Variants in FKBP10 observed in about 807,000 individuals in gnomAD.
FKBP10 encodes peptidyl-prolyl cis-trans isomerase FKBP10.
Under a neutral mutation model 53.7 loss-of-function variants are expected in FKBP10, and 34 were observed. That is an observed-to-expected ratio of 0.63 (90% CI 0.48 to 0.84). FKBP10 has a LOEUF of 0.84. Ranked by LOEUF, FKBP10 falls within the 40% of genes least tolerant of loss-of-function variation. The pLI is 0.00. For missense variants in FKBP10, 748 were observed against 797.8 expected, an observed-to-expected ratio of 0.94 and a Z score of 0.75; for synonymous variants, 324 against 335.7, an observed-to-expected ratio of 0.97 and a Z score of 0.38.
At chr17:41,820,735 C>A (rs894937451) in intron 7 of FKBP10, 12 of 712,376 alleles carry the variant, frequency 1.7e-5, no homozygotes, top group African/African-American at 1.6e-4. Flanking sequence ...GAGCCATGAG[C>A]CCTCGAGGCC....
rs1333003780 is a variant in FKBP10, at chr17:41,817,100, G to A, written c.288G>A (p.Gly96=). The A allele has an allele frequency of 1.2e-6, 2 of 1,614,014 alleles. No homozygotes were observed. Among genetic ancestry groups the A allele is most frequent in the African/African-American group, 2.7e-5 (2 of 74,934 alleles). Residue 96 remains glycine, a synonymous_variant, in exon 2 of 10, where the codon GGG becomes GGA. Coordinates refer to ENST00000321562, the MANE Select transcript of FKBP10 (RefSeq NM_021939.4). ...TGGTGGCCATCGTGGTGGGTGTGGG[G>A]CGCCTCATCACTGGCATGGACCGAG... is the stretch of plus-strand genomic sequence containing the variant. ...NTLVAIVVGV[G]RLITGMDRGL...
At chr17:41,821,176 G>A (rs1395304162) in intron 8 of FKBP10, 87 bp downstream of exon 8, 1 of 1,437,586 alleles carries the variant, frequency 7.0e-7, no homozygotes, top group Non-Finnish European at 9.2e-7. Flanking sequence ...AGGCTGGAGT[G>A]CAGTGGTGTG....
intron 1 of FKBP10, among the ~76,000 whole-genome samples, chr17:41,814,773 C>T (rs781900221): frequency 1.3e-5 from 2 of 152,194 alleles, no homozygotes; most frequent in African/African-American, 2.4e-5. Flanking sequence ...GAGGCTCACT[C>T]TGTCGCCCAG....
In FKBP10 at chr17:41,821,084, G is replaced by C; in HGVS notation, c.1394G>C (p.Ser465Thr). 7.6e-7 allele frequency: 1 copy of C among 1,309,676 alleles called. No individual in the cohort carries two copies. The highest frequency in any genetic ancestry group is 1.1e-6 in the Non-Finnish European group (1 of 928,080). 81.1% of individuals were successfully genotyped at this position (1,309,676 alleles called of 1,614,324 possible). Residue 465 changes from serine to threonine, a missense_variant, in exon 8 of 10, where the codon AGT (serine) becomes ACT (threonine). By Grantham distance (58) the Ser-to-Thr change is moderately conservative (BLOSUM62 1). Coordinates refer to ENST00000321562, the MANE Select transcript of FKBP10 (RefSeq NM_021939.4). ...CCCCCGCACCTGGCCCACGGGGAGA[G>C]TGGAGGTGAGGGGCTGAGACCATAA... ...IVPPHLAHGE[S>T]GARGVPGSAV...
intron 1 of FKBP10, among the ~76,000 whole-genome samples, chr17:41,814,596 T>C (rs1344867094): frequency 3.3e-5 from 5 of 152,164 alleles, no homozygotes; most frequent in African/African-American, 1.2e-4. Context: ...ACCTGTCTGC[T>C]TGGTGGGCAA....
chr17:41,819,650 CCTCGCCTATGGGGAGAATGGAA>C lies in FKBP10; in HGVS notation c.1041_1062del (p.Ala348GlufsTer10), dbSNP rs782592236. 1.2e-6 allele frequency: 2 copies of C among 1,609,158 alleles called. No individual in the cohort carries two copies. The highest frequency in any genetic ancestry group is 2.2e-5 in the South Asian group (2 of 90,308). On this transcript the variant is annotated frameshift_variant, in exon 6 of 10. Coordinates refer to ENST00000321562, the MANE Select transcript of FKBP10 (RefSeq NM_021939.4). LOFTEE classifies it high-confidence loss of function. ...GCCGGAGAATTACCATCCCCCCGCA[CCTCGCCTATGGGGAGAATGGAA>C]CTGGTAGGGGCGTTCCCCAGCCACC...
Position 41,820,251 on chromosome 17 carries a change from C to A in FKBP10, c.1064-18C>A, listed in dbSNP as rs782685890. 8 of 1,613,808 alleles carry A rather than the reference C, an allele frequency of 5.0e-6. No individual in the cohort carries two copies. The highest frequency in any genetic ancestry group is 1.6e-4 in the Middle Eastern group (1 of 6,062). On this transcript the variant is annotated intron_variant, in intron 6 of 9. Coordinates refer to ENST00000321562, the MANE Select transcript of FKBP10 (RefSeq NM_021939.4). ...CCTAGTGCTCTGAGCTGACCACACT[C>A]CCCCATTCTGGCCTCAGGAGACAAG... is the stretch of plus-strand genomic sequence containing the variant.
intron 9 of FKBP10, 43 bp downstream of exon 9, chr17:41,821,860 C>A: frequency 1.9e-6 from 3 of 1,612,408 alleles, no homozygotes; most frequent in Non-Finnish European, 2.5e-6. Flanking sequence ...CACGCAATCC[C>A]CGCACCCAGG....
rs371540139 is a variant in FKBP10, at chr17:41,820,959, G to A, written c.1269G>A (p.Gly423=). ...GTQLFTSHDY[G]APQEATLGAN... is the part of the protein sequence containing the mutation. ...TGCTCTCCCCCAGGCATGACTACGG[G>A]GCCCCCCAGGAGGCGACTCTCGGGG... Residue 423 remains glycine, a synonymous_variant, in exon 8 of 10, where the codon GGG becomes GGA. Transcript: ENST00000321562. 13 of 1,611,962 alleles carry A rather than the reference G, an allele frequency of 8.1e-6. No individual in the cohort carries two copies. The African/African-American group carries it at 1.6e-4, about 20-fold the overall frequency.
In FKBP10 at chr17:41,818,070, C is replaced by CGCT; in HGVS notation, c.392-13_392-11dup. ...GCAGAGCAGAACTCTGAGACCTCCACGCTGCTGCGCTCTCACAGCGGGGCT... is the reference window on the plus strand; with the variant it reads ...GCAGAGCAGAACTCTGAGACCTCCACGCTGCTGCTGCGCTCTCACAGCGGGGCT... On this transcript the variant is annotated intron_variant, in intron 2 of 9. Coordinates refer to ENST00000321562, the MANE Select transcript of FKBP10 (RefSeq NM_021939.4). 1 of 1,581,156 alleles carries CGCT rather than the reference C, an allele frequency of 6.3e-7. No homozygotes were observed. Among genetic ancestry groups the CGCT allele is most frequent in the Non-Finnish European group, 8.6e-7 (1 of 1,163,658 alleles).
At position 41,822,831 on chromosome 17, in the gene FKBP10, C is replaced by G. The variant is rs1458445317; in HGVS notation, c.*423C>G. On this transcript the variant is annotated 3_prime_UTR_variant, in exon 10 of 10. Transcript: ENST00000321562. Reference sequence around the variant, plus strand: ...CCCTTTTCCTCTATGTGACAGCTCCCTAGGACCCCTCTGCCTTCCTCCCCA... The same window carrying G: ...CCCTTTTCCTCTATGTGACAGCTCCGTAGGACCCCTCTGCCTTCCTCCCCA... 9.7e-6 allele frequency: 3 copies of G among 310,714 alleles called. No individual in the cohort carries two copies. The East Asian group carries it at 2.6e-4, about 27-fold the overall frequency. The allele number at this position is 310,714 out of a possible 1,614,324, so 19.2% of individuals were successfully genotyped here.
chr17:41,816,111 G>C (rs1416175323), intron 1 of FKBP10, among the ~76,000 whole-genome samples: 1 of 151,710 alleles, frequency 6.6e-6, no homozygotes. Context: ...ACTCCAGCCT[G>C]GGTGACAGAG....
At chr17:41,814,922 T>G (rs1329165493) in intron 1 of FKBP10, among the ~76,000 whole-genome samples, 1 of 152,096 alleles carries the variant, frequency 6.6e-6, no homozygotes, top group Non-Finnish European at 1.5e-5. Flanking sequence ...TGTTTGTTTT[T>G]GTTTTTTGAG....
intron 2 of FKBP10, among the ~76,000 whole-genome samples, 159 bp from the exon 3 acceptor site, chr17:41,817,930 C>T (rs1252188005): frequency 2.6e-5 from 4 of 151,712 alleles, no homozygotes; most frequent in African/African-American, 9.7e-5. Flanking sequence ...TGTCTGGCCC[C>T]CTATCTCTTA....
Position 41,819,213 on chromosome 17 carries a change from C to G in FKBP10, c.731C>G (p.Thr244Arg). The G allele has an allele frequency of 6.2e-7, 1 of 1,614,136 alleles. No homozygotes were observed. The highest frequency in any genetic ancestry group is 8.5e-7 in the Non-Finnish European group (1 of 1,180,016). ...TCAAGCCCTATCCCTTCCCCAGGGA[C>G]AGTGATCCCCCCACAGGCCTCGCTG... ...FLAYGEKGYG[T>R]VIPPQASLVF... The change falls in exon 5 of 10, where the codon ACA becomes AGA. Residue 244 changes from threonine (T) to arginine (R), a missense_variant. Physicochemically the swap from Thr to Arg is moderately conservative, Grantham distance 71. Transcript: ENST00000321562.
At chr17:41,817,490 G>A (rs782790702) in intron 2 of FKBP10, among the ~76,000 whole-genome samples, 1 of 152,018 alleles carries the variant, frequency 6.6e-6, no homozygotes, top group Admixed American at 6.6e-5. Context: ...AATTATCCAG[G>A]TGTGGTGGTG....
At chr17:41,820,093 G>A in intron 6 of FKBP10, 176 bp from the exon 7 acceptor site, 3 of 1,201,466 alleles carry the variant, frequency 2.5e-6, no homozygotes, top group African/African-American at 1.5e-5. Context: ...GCCTTCCCCT[G>A]CCCCCTGCCC....
intron 1 of FKBP10, among the ~76,000 whole-genome samples, chr17:41,813,646 A>G (rs372481824): frequency 5.9e-5 from 9 of 152,032 alleles, no homozygotes; most frequent in East Asian, 3.9e-4. Flanking sequence ...GGGATGGTCT[A>G]TCAGCCTGGA....
intron 6 of FKBP10, 129 bp from the exon 7 acceptor site, chr17:41,820,140 T>A: frequency 7.9e-7 from 1 of 1,264,216 alleles, no homozygotes; most frequent in East Asian, 2.5e-5. Context: ...TGGACAAACA[T>A]CCCGTCCCAT....
Sources: gnomAD v4.1 joint callset for allele counts (sites outside exome capture counted in the v4.1 genomes callset) on GRCh38, gnomAD v4.1.1 for gene constraint, MANE v1.5 for transcripts, NCBI Gene and HGNC (gene_info 2026-07-23, HGNC 2026-07-21) for gene names.